The following GSTZ1 variants were observed in gnomAD, a reference collection of about 807,000 sequenced individuals.
GSTZ1 encodes glutathione S-transferase zeta 1.
In GSTZ1, 34 loss-of-function variants were observed where a neutral mutation model predicts 35.9. The ratio of observed to expected loss-of-function variants is 0.95; its 90% CI spans 0.72 to 1.26. GSTZ1 has a LOEUF of 1.26. GSTZ1 is among the 50% of genes most tolerant of loss of function. The pLI is 0.00. For missense variants in GSTZ1, 263 were observed against 271.7 expected, an observed-to-expected ratio of 0.97 and a Z score of 0.23; for synonymous variants, 93 against 101.2, an observed-to-expected ratio of 0.92 and a Z score of 0.49.
chr14:77,326,569 G>T (rs1222356420), intron 2 of GSTZ1: 1 of 432,900 alleles, frequency 2.3e-6, no homozygotes, highest in Non-Finnish European at 4.3e-6. Context: ...CATCCAGGGG[G>T]CATGAGGGCC....
At position 77,331,074 on chromosome 14, in the gene GSTZ1, A is replaced by G. The variant is rs763812812; in HGVS notation, c.530A>G (p.Lys177Arg). 4 of 1,613,822 alleles carry G rather than the reference A, an allele frequency of 2.5e-6. No individual in the cohort carries two copies. In the Admixed American group the frequency reaches 5.0e-5, roughly 20 times the overall value. ...VPQVANAERF[K>R]VDLTPYPTIS... Reference sequence around the variant, plus strand: ...CAGGTGTTTCTCTACTACAGATTCAAGGTGGATCTCACCCCCTACCCTACC... The same window carrying G: ...CAGGTGTTTCTCTACTACAGATTCAGGGTGGATCTCACCCCCTACCCTACC... The change falls in exon 9 of 9, where the codon AAG becomes AGG. Residue 177 changes from lysine (K) to arginine (R), a missense_variant. By Grantham distance (26) the Lys-to-Arg change is conservative. Transcript: ENST00000216465.
At chr14:77,324,814 A>G in intron 1 of GSTZ1, 56 bp from the exon 2 acceptor site, 1 of 1,549,522 alleles carries the variant, frequency 6.5e-7, no homozygotes, top group Admixed American at 1.7e-5. Context: ...GACTCCTCCC[A>G]AGCTGGAGCC....
At chr14:77,328,086 A>G in intron 5 of GSTZ1, 49 bp downstream of exon 5, 3 of 1,599,632 alleles carry the variant, frequency 1.9e-6, no homozygotes, top group Non-Finnish European at 2.6e-6. Context: ...ACACTCTTAC[A>G]CTCACACATT....
At chr14:77,328,687 G>C (rs1892459694) in intron 5 of GSTZ1, 1 of 186,148 alleles carries the variant, frequency 5.4e-6, no homozygotes, top group African/African-American at 2.4e-5. Context: ...TGCCAAGATG[G>C]AGCCAGGCTG....
intron 7 of GSTZ1, 192 bp from the exon 8 acceptor site, chr14:77,330,118 G>A: frequency 1.4e-6 from 1 of 721,230 alleles, no homozygotes; most frequent in Non-Finnish European, 2.5e-6. Context: ...CTGGAGCATG[G>A]CCTGGGAGGG....
intron 6 of GSTZ1, chr14:77,329,510 C>T (rs1029165579): frequency 1.5e-5 from 9 of 594,850 alleles, no homozygotes; most frequent in African/African-American, 9.3e-5. Flanking sequence ...GAGCTGTCAC[C>T]GTGGCCAGTG....
chr14:77,324,147 A>C lies in GSTZ1; in HGVS notation c.16-723A>C, dbSNP rs534851393. 393 of 160,592 alleles carry C rather than the reference A, an allele frequency of 2.4e-3. 2 individuals carry two copies. Among genetic ancestry groups the C allele is most frequent in the African/African-American group, 9.6e-3 (379 of 39,426 alleles). 9.9% of individuals were successfully genotyped at this position (160,592 alleles called of 1,614,324 possible). ...AGAAACTTCCTGCGAGTTGGAAAAA[A>C]ATGCCTTTTTTTTTTTTTTTTTTTT... On this transcript the variant is annotated intron_variant, in intron 1 of 8. Coordinates refer to ENST00000216465, the MANE Select transcript of GSTZ1 (RefSeq NM_145870.3).
chr14:77,328,007 C>G lies in GSTZ1; in HGVS notation c.312C>G (p.Asp104Glu). ...GGGCCAGCGTGCGTATGATTTCTGA[C>G]CTCATCGCTGGTGGCATCCAGCCCC... ...KKRASVRMISDLIAGGIQPLQ... is the reference protein window; with the variant it reads ...KKRASVRMISELIAGGIQPLQ... The change falls in exon 5 of 9, where the codon GAC (aspartate) becomes GAG (glutamate). Residue 104 changes from aspartate to glutamate, a missense_variant. Coordinates refer to ENST00000216465, the MANE Select transcript of GSTZ1 (RefSeq NM_145870.3). The G allele has an allele frequency of 1.9e-6, 3 of 1,614,046 alleles. No individual in the cohort carries two copies. The highest frequency in any genetic ancestry group is 2.5e-6 in the Non-Finnish European group (3 of 1,179,928).
intron 5 of GSTZ1, 96 bp downstream of exon 5, chr14:77,328,133 A>C: frequency 9.4e-7 from 1 of 1,060,464 alleles, no homozygotes; most frequent in Non-Finnish European, 1.4e-6. Flanking sequence ...GGGGGTGTCA[A>C]GGGAGGGAGG....
chr14:77,322,043 T>C (rs1032272461), intron 1 of GSTZ1, among the ~76,000 whole-genome samples: 15 of 152,200 alleles, frequency 9.9e-5, no homozygotes, highest in African/African-American at 3.6e-4. Flanking sequence ...ATAAGCGGTC[T>C]AGATGGTTCT....
chr14:77,328,788 A>G, intron 5 of GSTZ1: 1 of 355,398 alleles, frequency 2.8e-6, no homozygotes, highest in Non-Finnish European at 5.4e-6. Flanking sequence ...CATGCAAGGG[A>G]GAAGTGAGGG....
intron 2 of GSTZ1, 76 bp from the exon 3 acceptor site, chr14:77,326,762 A>G (rs1407546118): frequency 1.8e-6 from 2 of 1,095,130 alleles, no homozygotes; most frequent in Non-Finnish European, 2.7e-6. Context: ...CCTTAATGTC[A>G]CCTTAGAAGG....
intron 2 of GSTZ1, chr14:77,326,360 A>G (rs1302187116): frequency 6.5e-6 from 1 of 153,594 alleles, no homozygotes. Context: ...CAAGAGTGCC[A>G]TCTGTCTGTG....
chr14:77,328,180 G>A, intron 5 of GSTZ1, 143 bp downstream of exon 5: 1 of 784,010 alleles, frequency 1.3e-6, no homozygotes, highest in South Asian at 1.8e-5. Flanking sequence ...CCATGTGAAA[G>A]AAGGGGGTGA....
At position 77,326,853 on chromosome 14, in the gene GSTZ1, G is replaced by A. The variant is rs1168616488; in HGVS notation, c.83G>A (p.Gly28Asp). Residue 28 changes from glycine to aspartate, a missense_variant, in exon 3 of 9, where the codon GGC becomes GAC. Coordinates refer to ENST00000216465, the MANE Select transcript of GSTZ1 (RefSeq NM_145870.3). ...WRVRIALALK[G>D]IDYETVPINL... ...TCTCTCCTAGCTCTGGCCTTGAAAGGCATCGACTACGAGACGGTGCCCATC... is the reference window on the plus strand; with the variant it reads ...TCTCTCCTAGCTCTGGCCTTGAAAGACATCGACTACGAGACGGTGCCCATC... 1.2e-6 allele frequency: 2 copies of A among 1,606,750 alleles called. No homozygotes were observed. The highest frequency in any genetic ancestry group is 4.5e-5 in the East Asian group (2 of 44,774).
intron 1 of GSTZ1, 109 bp from the exon 2 acceptor site, chr14:77,324,761 C>T: frequency 2.5e-6 from 3 of 1,217,224 alleles, no homozygotes; most frequent in Non-Finnish European, 3.6e-6. Flanking sequence ...TGCACAGATG[C>T]AGGCCTGAGA....
At position 77,331,388 on chromosome 14, in the gene GSTZ1, G is replaced by A. The variant is rs529910882; in HGVS notation, c.*193G>A. 2.6e-4 allele frequency: 155 copies of A among 602,934 alleles called. 2 individuals carry two copies. Among genetic ancestry groups the A allele is most frequent in the African/African-American group, 2.3e-3 (123 of 54,454 alleles). 37.3% of individuals were successfully genotyped at this position (602,934 alleles called of 1,614,324 possible). A position where few individuals can be genotyped will look rare whatever the true frequency, so the allele number is the denominator to read the frequency against. ...CGCATGTGGGGTGGAGTAGGGAGATGCGGGGAGCAGGGTGGGCAGGAATAC... is the reference window on the plus strand; with the variant it reads ...CGCATGTGGGGTGGAGTAGGGAGATACGGGGAGCAGGGTGGGCAGGAATAC... On this transcript the variant is annotated 3_prime_UTR_variant, in exon 9 of 9. Transcript: ENST00000216465.
chr14:77,325,233 C>G (rs1330989492), intron 2 of GSTZ1: 5 of 358,476 alleles, frequency 1.4e-5, no homozygotes, highest in Middle Eastern at 8.6e-4. Flanking sequence ...CCCCTGGTAA[C>G]TGGCAGGGGA....
Position 77,327,160 on chromosome 14 carries a change from G to T in GSTZ1, c.135+255G>T, listed in dbSNP as rs1332116298. The T allele has an allele frequency of 2.9e-5, 17 of 591,912 alleles. No homozygotes were observed. The Admixed American group carries it at 4.5e-4, about 16-fold the overall frequency. The allele number at this position is 591,912 out of a possible 1,614,324, so 36.7% of individuals were successfully genotyped here. A position where few individuals can be genotyped will look rare whatever the true frequency, so the allele number is the denominator to read the frequency against. On this transcript the variant is annotated intron_variant, in intron 3 of 8. Coordinates refer to ENST00000216465, the MANE Select transcript of GSTZ1 (RefSeq NM_145870.3). The stretch of plus-strand genomic sequence containing the variant: ...GTGCCTGACCCTGGGAGGGTGGGTG[G>T]CTAGTGGGTCCCCACCCCATACTGG...
Sources: allele counts gnomAD v4.1 joint callset (sites outside exome capture counted in the v4.1 genomes callset), GRCh38; gene constraint gnomAD v4.1.1; transcripts MANE v1.5; gene names NCBI Gene and HGNC (gene_info 2026-07-23, HGNC 2026-07-21).